The following HTR2C variants were observed in gnomAD, a reference collection of about 807,000 sequenced individuals.
The protein encoded by HTR2C is 5-hydroxytryptamine (serotonin) receptor 2C, G protein-coupled.
Under a neutral mutation model 21.0 loss-of-function variants are expected in HTR2C, and 5 were observed. The observed-to-expected ratio is 0.24, with a 90% CI of 0.12 to 0.50. The LOEUF is 0.50. HTR2C is among the 20% of genes least tolerant of loss of function. HTR2C has a pLI of 0.98. For missense variants in HTR2C, 271 were observed against 371.2 expected (o/e 0.73, Z 2.22); for synonymous variants, 150 against 145.3 (o/e 1.03, Z -0.23).
intron 1 of HTR2C, among the ~76,000 whole-genome samples, chrX:114,605,247 G>A (rs1181151074): frequency 8.9e-6 from 1 of 112,472 alleles, no homozygotes; most frequent in Non-Finnish European, 1.9e-5. Flanking sequence ...GTCATGGAAC[G>A]AAACTGTAAG....
chrX:114,766,017 G>A (rs2069944758), intron 4 of HTR2C, among the ~76,000 whole-genome samples: 1 of 111,410 alleles, frequency 9.0e-6, no homozygotes, highest in African/African-American at 3.3e-5. Flanking sequence ...AAGATAAATG[G>A]TAAAAGATAC....
At chrX:114,895,907 T>G (rs1325749774) in intron 5 of HTR2C, among the ~76,000 whole-genome samples, 2 of 109,403 alleles carry the variant, frequency 1.8e-5, no homozygotes, top group Non-Finnish European at 3.8e-5. Context: ...GAGAATCGCT[T>G]GAACCTGGGA....
chrX:114,676,375 T>G (rs913896972), intron 2 of HTR2C, among the ~76,000 whole-genome samples: 20 of 111,727 alleles, frequency 1.8e-4, no homozygotes, highest in Admixed American at 9.5e-4. Flanking sequence ...TCTTGTGATA[T>G]AATTACCTCA....
rs183561497 is a variant in HTR2C at position 114,689,363 on chromosome X, A to G, written c.-79-37495A>G. ...CATATAATGACTTATTTTCCTCTGC[A>G]TAGATACCCAGTAGTGGAATTGCTG... On this transcript the variant is annotated intron_variant, in intron 2 of 5. Transcript: ENST00000276198. Among the ~76,000 whole-genome samples the G allele has an allele frequency of 5.0e-4, 54 of 109,071 alleles. No individual in the cohort carries two copies. In the Middle Eastern group the frequency reaches 0.014, roughly 29 times the overall value. The allele number at this position is 109,071 out of a possible 115,157, so 94.7% of individuals were successfully genotyped here.
At chrX:114,710,254 G>A (rs1199919458) in intron 2 of HTR2C, among the ~76,000 whole-genome samples, 1 of 111,235 alleles carries the variant, frequency 9.0e-6, no homozygotes, top group Non-Finnish European at 1.9e-5. Context: ...GTGCAACCCC[G>A]TCTCTAAACA....
At chrX:114,585,914 T>TG (rs1380795799) in intron 1 of HTR2C, among the ~76,000 whole-genome samples, 4 of 106,708 alleles carry the variant, frequency 3.7e-5, no homozygotes, top group Admixed American at 1.0e-4. Flanking sequence ...TAAGATGATT[T>TG]GGGGGGCGGG....
intron 2 of HTR2C, among the ~76,000 whole-genome samples, chrX:114,710,433 TGA>T (rs1317723807): frequency 2.7e-5 from 1 of 37,353 alleles, no homozygotes; most frequent in Non-Finnish European, 6.8e-5. Context: ...GAGATAGTGA[TGA>T]GGAGTGAAAA....
At chrX:114,805,556 C>T (rs868944622) in intron 4 of HTR2C, among the ~76,000 whole-genome samples, 4 of 86,049 alleles carry the variant, frequency 4.6e-5, no homozygotes, top group African/African-American at 8.2e-5. Context: ...TATATATATA[C>T]ACACCATATA....
chrX:114,895,272 G>T (rs1051916643), intron 5 of HTR2C, among the ~76,000 whole-genome samples: 2 of 111,973 alleles, frequency 1.8e-5, no homozygotes, highest in African/African-American at 6.5e-5. Context: ...TATGTTGGGG[G>T]TGTAAATGAA....
intron 5 of HTR2C, among the ~76,000 whole-genome samples, chrX:114,870,959 G>GGGTTT (rs1179071408): frequency 3.6e-5 from 4 of 110,233 alleles, no homozygotes; most frequent in Admixed American, 9.7e-5. Context: ...TGCTAATTTT[G>GGGTTT]GGTTTGGTTT....
intron 4 of HTR2C, among the ~76,000 whole-genome samples, chrX:114,836,672 C>G (rs1418920201): frequency 1.8e-5 from 2 of 112,376 alleles, no homozygotes; most frequent in East Asian, 2.8e-4. Context: ...TCTTCTGCAT[C>G]GCTCAGGCTG....
At chrX:114,640,600 G>C (rs1164141968) in intron 2 of HTR2C, among the ~76,000 whole-genome samples, 1 of 112,039 alleles carries the variant, frequency 8.9e-6, no homozygotes, top group African/African-American at 3.2e-5. Context: ...ATGTTTAATG[G>C]TTGGCTCTTT....
intron 4 of HTR2C, among the ~76,000 whole-genome samples, chrX:114,804,726 A>G (rs970799151): frequency 8.9e-6 from 1 of 111,732 alleles, no homozygotes; most frequent in Non-Finnish European, 1.9e-5. Context: ...ACCTTCAGCT[A>G]GTATTTCCAG....
chrX:114,715,389 GT>G (rs781820505), intron 2 of HTR2C: 16 of 353,452 alleles, frequency 4.5e-5, no homozygotes, highest in South Asian at 2.9e-4. Context: ...AAAGTGAAAA[GT>G]TTGTGATCTC....
intron 2 of HTR2C, among the ~76,000 whole-genome samples, chrX:114,701,234 T>A (rs1419914675): frequency 6.3e-5 from 7 of 111,949 alleles, no homozygotes; most frequent in African/African-American, 2.3e-4. Context: ...CAGCTGGAGA[T>A]CTGAGAACGG....
At chrX:114,616,517 C>T (rs782265357) in intron 2 of HTR2C, among the ~76,000 whole-genome samples, 2 of 110,956 alleles carry the variant, frequency 1.8e-5, no homozygotes, top group Non-Finnish European at 3.8e-5. Flanking sequence ...GATCTCCTGA[C>T]CTCAAGTGAT....
At chrX:114,602,967 A>C (rs1311669726) in intron 1 of HTR2C, among the ~76,000 whole-genome samples, 1 of 108,888 alleles carries the variant, frequency 9.2e-6, no homozygotes, top group African/African-American at 3.3e-5. Context: ...AGGTTCTAAG[A>C]GGCGGGCTAG....
Position 114,745,039 on chromosome X carries a change from A to G in HTR2C, c.349+13432A>G, listed in dbSNP as rs2069689017. Among the ~76,000 whole-genome samples, 3 of 112,190 alleles carry G rather than the reference A, an allele frequency of 2.7e-5. No homozygotes were observed. In the South Asian group the frequency reaches 1.1e-3, roughly 42 times the overall value. On this transcript the variant is annotated intron_variant, in intron 4 of 5. Transcript: ENST00000276198. Reference sequence around the variant, plus strand: ...AGCCTTCAGTGAAGAGAAGACCCACAGAAGGGGAGAAAAATGTTTGCAAAC... The same window carrying G: ...AGCCTTCAGTGAAGAGAAGACCCACGGAAGGGGAGAAAAATGTTTGCAAAC...
At chrX:114,795,680 T>A (rs1364830389) in intron 4 of HTR2C, among the ~76,000 whole-genome samples, 1 of 111,878 alleles carries the variant, frequency 8.9e-6, no homozygotes, top group Non-Finnish European at 1.9e-5. Context: ...GTTGTAAATA[T>A]GTGGCATTAT....
Sources: allele counts gnomAD v4.1 joint callset (sites outside exome capture counted in the v4.1 genomes callset), GRCh38; gene constraint gnomAD v4.1.1; transcripts MANE v1.5; gene names NCBI Gene and HGNC (gene_info 2026-07-23, HGNC 2026-07-21).